Variants in RASGRF2 observed in about 807,000 individuals in gnomAD.
The protein encoded by RASGRF2 is ras-specific guanine nucleotide-releasing factor 2.
In RASGRF2, 76 loss-of-function variants were observed where a neutral mutation model predicts 151.0. The ratio of observed to expected loss-of-function variants is 0.50; its 90% confidence interval spans 0.42 to 0.61. The LOEUF is 0.61. RASGRF2 is among the 20% of genes least tolerant of loss of function. The pLI is 0.00. For missense variants in RASGRF2, 1,148 were observed against 1,564.6 expected, an observed-to-expected ratio of 0.73 and a Z score of 4.49; for synonymous variants, 504 against 566.5, an observed-to-expected ratio of 0.89 and a Z score of 1.57.
intron 1 of RASGRF2, among the ~76,000 whole-genome samples, chr5:81,014,964 G>A (rs565553339): frequency 6.6e-6 from 1 of 152,210 alleles, no homozygotes; most frequent in African/African-American, 2.4e-5. Flanking sequence ...CTGTTGCCCA[G>A]GTTGGAGTGC....
intron 19 of RASGRF2, among the ~76,000 whole-genome samples, chr5:81,201,662 G>A (rs1226934020): frequency 6.6e-6 from 1 of 152,196 alleles, no homozygotes; most frequent in African/African-American, 2.4e-5. Context: ...GAGTGCAGTT[G>A]CTGTTATTTA....
rs746917394 is a variant in RASGRF2 at position 80,960,814 on chromosome 5, C to T, written c.76C>T (p.Arg26Cys). The T allele has an allele frequency of 1.2e-6, 2 of 1,613,580 alleles. No homozygotes were observed. The highest frequency in any genetic ancestry group is 2.2e-5 in the South Asian group (2 of 91,044). ...TCTGGCGCGCAAGGAGGGCACCAAG[C>T]GCGGCTTCCTGAGTAAGAAGACGGC... ...AFLARKEGTK[R>C]GFLSKKTAEA... Residue 26 changes from arginine to cysteine, a missense_variant, in exon 1 of 27, where the codon CGC becomes TGC. This residue lies in a region of RASGRF2 where 221 missense variants were observed against 271.3 expected (regional missense o/e 0.81). Coordinates refer to ENST00000265080, the MANE Select transcript of RASGRF2 (RefSeq NM_006909.3). The surrounding 1 kb of genome is among the most constrained non-coding windows in gnomAD (Gnocchi z 5.5).
chr5:80,961,175 C>T (rs1747541294), intron 1 of RASGRF2, 149 bp downstream of exon 1: 8 of 899,498 alleles, frequency 8.9e-6, no homozygotes, highest in Non-Finnish European at 1.1e-5. Context: ...GGGACATCTC[C>T]ACGCTCCTTC....
chr5:80,994,239 G>A (rs552670207), intron 1 of RASGRF2, among the ~76,000 whole-genome samples: 10 of 151,888 alleles, frequency 6.6e-5, no homozygotes, highest in South Asian at 6.3e-4. Context: ...GGTGGTAGGC[G>A]CCTGTAGTCC....
At chr5:81,160,537 T>A (rs1213715815) in intron 17 of RASGRF2, among the ~76,000 whole-genome samples, 1 of 151,868 alleles carries the variant, frequency 6.6e-6, no homozygotes, top group Non-Finnish European at 1.5e-5. Flanking sequence ...CCAGGCGTGG[T>A]GGCAGGCGCC....
intron 11 of RASGRF2, 34 bp from the exon 12 acceptor site, chr5:81,094,822 T>G: frequency 6.4e-7 from 1 of 1,557,346 alleles, no homozygotes; most frequent in Non-Finnish European, 8.8e-7. Context: ...TTTTTTGTAT[T>G]CTCATCTAAT....
At chr5:81,117,946 T>A (rs1580332790) in intron 15 of RASGRF2, among the ~76,000 whole-genome samples, 1 of 152,226 alleles carries the variant, frequency 6.6e-6, no homozygotes, top group East Asian at 1.9e-4. Flanking sequence ...AATATTTCAC[T>A]CCATGTGCTG....
intron 1 of RASGRF2, among the ~76,000 whole-genome samples, chr5:81,024,018 A>G (rs1047907933): frequency 3.3e-5 from 5 of 152,134 alleles, no homozygotes; most frequent in African/African-American, 1.2e-4. Flanking sequence ...CCCCTAGTTT[A>G]TAAGTCTTCA....
chr5:81,031,695 C>A (rs1379807777), intron 1 of RASGRF2, among the ~76,000 whole-genome samples: 2 of 152,116 alleles, frequency 1.3e-5, no homozygotes, highest in Non-Finnish European at 2.9e-5. Flanking sequence ...CAAGAGAAAG[C>A]AGGAAAGATC....
chr5:81,157,141 G>A (rs1480494148), intron 17 of RASGRF2, among the ~76,000 whole-genome samples: 1 of 151,830 alleles, frequency 6.6e-6, no homozygotes, highest in Non-Finnish European at 1.5e-5. Flanking sequence ...TGAGGCGGGC[G>A]GATCACGAGG....
chr5:81,051,584 A>G (rs1751013408), intron 2 of RASGRF2, among the ~76,000 whole-genome samples: 1 of 152,194 alleles, frequency 6.6e-6, no homozygotes, highest in African/African-American at 2.4e-5. Context: ...TCCTACAAAC[A>G]TTTTGTGTCT....
chr5:80,969,669 T>C (rs983194035), intron 1 of RASGRF2, among the ~76,000 whole-genome samples: 3 of 151,032 alleles, frequency 2.0e-5, no homozygotes, highest in Admixed American at 2.0e-4. Flanking sequence ...GCCAGGATGA[T>C]CTCGATCTCC....
intron 1 of RASGRF2, among the ~76,000 whole-genome samples, chr5:81,011,663 C>T (rs1035278976): frequency 6.6e-6 from 1 of 151,948 alleles, no homozygotes; most frequent in African/African-American, 2.4e-5. Context: ...ATTGCTTGAA[C>T]CTGGGAGGCG....
intron 9 of RASGRF2, chr5:81,087,444 A>T (rs1752271050): frequency 1.5e-6 from 1 of 646,406 alleles, no homozygotes; most frequent in Non-Finnish European, 2.8e-6. Context: ...TCAACTGGTA[A>T]CTCCCGTTGC....
chr5:81,178,780 C>T (rs6878238), intron 17 of RASGRF2, among the ~76,000 whole-genome samples: 5,616 of 152,172 alleles, frequency 0.037, 123 homozygotes, highest in African/African-American at 0.057. Context: ...GCTCTGTCGC[C>T]CATGCTGGAG....
chr5:81,063,454 C>T (rs1327801540), intron 2 of RASGRF2, among the ~76,000 whole-genome samples: 1 of 152,132 alleles, frequency 6.6e-6, no homozygotes, highest in African/African-American at 2.4e-5. Flanking sequence ...ACCATGTTGG[C>T]CAGGCTAGTT....
At chr5:81,043,089 T>G (rs754066119) in intron 2 of RASGRF2, 106 bp downstream of exon 2, 6 of 759,742 alleles carry the variant, frequency 7.9e-6, no homozygotes, top group Non-Finnish European at 1.3e-5. Context: ...AAGATGAGTT[T>G]TCTCCTGGTA....
In RASGRF2 at chr5:80,984,361, C is replaced by A. The variant is rs138888008; in HGVS notation, c.288+23335C>A. The stretch of plus-strand genomic sequence containing the variant: ...AGCCACTGCACCTGGCCTCGTGTTT[C>A]TTGTGGTACAAGTTTAGCAAACATG... On this transcript the variant is annotated intron_variant, in intron 1 of 26. Transcript: ENST00000265080. Among the ~76,000 whole-genome samples, 37 of 152,284 alleles carry A rather than the reference C, an allele frequency of 2.4e-4. No individual in the cohort carries two copies. The East Asian group carries it at 6.8e-3, about 28-fold the overall frequency.
chr5:81,089,875 A>G (rs911958014), intron 9 of RASGRF2, among the ~76,000 whole-genome samples: 3 of 152,258 alleles, frequency 2.0e-5, no homozygotes, highest in African/African-American at 7.2e-5. Flanking sequence ...GATAAACTTT[A>G]AAAGCCAAGA....
Sources: gnomAD v4.1 joint callset for allele counts (sites outside exome capture counted in the v4.1 genomes callset) on GRCh38, gnomAD v4.1.1 for gene constraint, gnomAD v4.1.1 regional missense constraint, Gnocchi (gnomAD v3.1) non-coding constraint, MANE v1.5 for transcripts, NCBI Gene and HGNC (gene_info 2026-07-23, HGNC 2026-07-21) for gene names.